The following FILIP1L variants were observed in gnomAD, a reference collection of about 807,000 sequenced individuals.
FILIP1L encodes the protein filamin A interacting protein 1 like.
A neutral mutation model predicts 96.6 loss-of-function variants in FILIP1L; 55 were observed. The ratio of observed to expected loss-of-function variants is 0.57; its 90% CI spans 0.46 to 0.71. The LOEUF is 0.71. Ranked by LOEUF, FILIP1L falls within the 30% of genes least tolerant of loss-of-function variation. The pLI is 0.00. For synonymous variants in FILIP1L, 467 were observed against 473.9 expected (o/e 0.99, Z 0.19); for missense variants, 1,304 against 1,321.2 (o/e 0.99, Z 0.20).
chr3:100,052,622 C>T (rs2065393300), intron 1 of FILIP1L, among the ~76,000 whole-genome samples: 1 of 152,174 alleles, frequency 6.6e-6, no homozygotes, highest in African/African-American at 2.4e-5. Context: ...GAAGATAGCT[C>T]AGGAGCAAGT....
At chr3:100,006,951 G>A (rs879510520) in intron 1 of FILIP1L, among the ~76,000 whole-genome samples, 28 of 152,082 alleles carry the variant, frequency 1.8e-4, no homozygotes, top group African/African-American at 6.8e-4. Context: ...GTTTTTGTTT[G>A]GTTTTGTTCT....
intron 4 of FILIP1L, among the ~76,000 whole-genome samples, chr3:99,883,664 A>G (rs1705802562): frequency 6.6e-6 from 1 of 152,224 alleles, no homozygotes. Flanking sequence ...TGCTTCTGTG[A>G]TAATCTAGGA....
chr3:99,908,962 C>CATTT (rs1267933923), intron 4 of FILIP1L, among the ~76,000 whole-genome samples: 5 of 152,066 alleles, frequency 3.3e-5, no homozygotes, highest in Non-Finnish European at 7.3e-5. Flanking sequence ...ACTCTGACCC[C>CATTT]ATTTACTCTT....
intron 4 of FILIP1L, among the ~76,000 whole-genome samples, chr3:99,912,013 GTT>G (rs1706805014): frequency 6.6e-6 from 1 of 151,688 alleles, no homozygotes; most frequent in Non-Finnish European, 1.5e-5. Context: ...AACATTAAAA[GTT>G]TTAATTTTTA....
At position 100,102,465 on chromosome 3, in the gene FILIP1L, G is replaced by A. The variant is rs76685663; in HGVS notation, c.-11+11588C>T. Among the ~76,000 whole-genome samples the A allele has an allele frequency of 4.6e-3, 700 of 152,222 alleles. 7 individuals carry two copies. Among genetic ancestry groups the A allele is most frequent in the African/African-American group, 0.016 (682 of 41,540 alleles). Reference sequence around the variant, plus strand: ...CAGAAGAAATTGGATCCTCATCAGCGTGATTTCTGCTTCTCCACAGGTGTG... The same window carrying A: ...CAGAAGAAATTGGATCCTCATCAGCATGATTTCTGCTTCTCCACAGGTGTG... On this transcript the variant is annotated intron_variant, in intron 1 of 5. Coordinates refer to ENST00000477258, the MANE Select transcript of FILIP1L (RefSeq NM_001387850.1).
At chr3:100,081,548 A>T (rs2065932172) in intron 1 of FILIP1L, among the ~76,000 whole-genome samples, 1 of 152,180 alleles carries the variant, frequency 6.6e-6, no homozygotes, top group Non-Finnish European at 1.5e-5. Flanking sequence ...ACTCATGAAG[A>T]TTCTTTGGTT....
At chr3:100,018,925 C>T (rs1168076660) in intron 1 of FILIP1L, among the ~76,000 whole-genome samples, 3 of 151,834 alleles carry the variant, frequency 2.0e-5, no homozygotes, top group South Asian at 2.1e-4. Flanking sequence ...AGATAAATAG[C>T]CAAGAGGTAT....
chr3:100,079,258 T>C (rs1305646617), intron 1 of FILIP1L, among the ~76,000 whole-genome samples: 23 of 152,340 alleles, frequency 1.5e-4, no homozygotes, highest in Non-Finnish European at 1.5e-5. Context: ...AGAGTTACTA[T>C]CGATGCTTTC....
chr3:99,900,362 C>T (rs1298427095), intron 4 of FILIP1L, among the ~76,000 whole-genome samples: 1 of 152,038 alleles, frequency 6.6e-6, no homozygotes, highest in Non-Finnish European at 1.5e-5. Flanking sequence ...ATTTTTAACC[C>T]TTTATATTGA....
At chr3:99,921,145 G>A (rs1244709351) in intron 4 of FILIP1L, among the ~76,000 whole-genome samples, 1 of 152,180 alleles carries the variant, frequency 6.6e-6, no homozygotes, top group Non-Finnish European at 1.5e-5. Context: ...TTTGTGGGAG[G>A]CAGCTGTGTC....
In FILIP1L at chr3:99,983,190, C is replaced by G. The variant is rs1312031740; in HGVS notation, c.-10-52160G>C. Among the ~76,000 whole-genome samples, 3 of 151,350 alleles carry G rather than the reference C, an allele frequency of 2.0e-5. No homozygotes were observed. In the Admixed American group the frequency reaches 2.0e-4, roughly 10 times the overall value. On this transcript the variant is annotated intron_variant, in intron 1 of 5. Transcript: ENST00000477258. ...TCTCAGGGATATTGTTATCTAACTTCTTTGAATTACTGAAGTAGCCAAGAA... is the reference window on the plus strand; with the variant it reads ...TCTCAGGGATATTGTTATCTAACTTGTTTGAATTACTGAAGTAGCCAAGAA...
intron 1 of FILIP1L, among the ~76,000 whole-genome samples, chr3:100,090,736 A>C (rs2066089665): frequency 6.6e-6 from 1 of 152,136 alleles, no homozygotes; most frequent in Admixed American, 6.5e-5. Context: ...AAACCTCTCC[A>C]TCAGAACTGC....
chr3:100,032,514 C>G (rs2065037581), intron 1 of FILIP1L, among the ~76,000 whole-genome samples: 1 of 152,154 alleles, frequency 6.6e-6, no homozygotes, highest in South Asian at 2.1e-4. Flanking sequence ...AGAGAGGAGA[C>G]AGCTAGCCGA....
At chr3:99,883,236 C>G (rs752049328) in intron 4 of FILIP1L, among the ~76,000 whole-genome samples, 1 of 152,204 alleles carries the variant, frequency 6.6e-6, no homozygotes, top group Non-Finnish European at 1.5e-5. Context: ...CCCAGCAAGT[C>G]CATTCCATTC....
At chr3:99,853,812 TGTCTA>T (rs1943825299) in intron 4 of FILIP1L, among the ~76,000 whole-genome samples, 1 of 152,242 alleles carries the variant, frequency 6.6e-6, no homozygotes, top group Non-Finnish European at 1.5e-5. Context: ...GACAGTCAGC[TGTCTA>T]GTCTAGTAAA....
chr3:99,956,549 G>A (rs1170719566), intron 1 of FILIP1L, among the ~76,000 whole-genome samples: 1 of 152,106 alleles, frequency 6.6e-6, no homozygotes, highest in African/African-American at 2.4e-5. Flanking sequence ...GTTTCACCAC[G>A]TTGGCCAGGC....
Position 99,850,996 on chromosome 3 carries a change from G to GT in FILIP1L, c.679dup (p.Thr227AsnfsTer19), listed in dbSNP as rs776050654. On this transcript the variant is annotated frameshift_variant, in exon 5 of 6. Coordinates refer to ENST00000477258, the MANE Select transcript of FILIP1L (RefSeq NM_001387850.1). LOFTEE classifies it high-confidence loss of function. ...CAGCTTGGTCAGCTCCTCTTTCAGG[G>GT]TGGTGACCCTTTTCTCCTTTTCTTG... is the stretch of plus-strand genomic sequence containing the variant. 1.5e-5 allele frequency: 25 copies of GT among 1,613,696 alleles called. No homozygotes were observed. Among genetic ancestry groups the GT allele is most frequent in the Non-Finnish European group, 2.0e-5 (24 of 1,179,994 alleles).
intron 4 of FILIP1L, among the ~76,000 whole-genome samples, chr3:99,893,722 A>G (rs1353821611): frequency 1.3e-5 from 2 of 152,224 alleles, no homozygotes; most frequent in Non-Finnish European, 2.9e-5. Context: ...TATACTCTAC[A>G]GATAATTTAT....
In FILIP1L at chr3:99,849,262, A is replaced by G. The variant is rs1376302861; in HGVS notation, c.2414T>C (p.Val805Ala). 5.6e-6 allele frequency: 9 copies of G among 1,614,110 alleles called. No homozygotes were observed. The highest frequency in any genetic ancestry group is 1.6e-4 in the Middle Eastern group (1 of 6,062). ...CTTGTAATCAGGTGGTTCATTGTCT[A>G]CTGCTTCTGTCTGAACTTCTTTAGA... ...VFSKEVQTEAVDNEPPDYKSL... is the reference protein window; with the variant it reads ...VFSKEVQTEAADNEPPDYKSL... Residue 805 changes from valine to alanine, a missense_variant, in exon 5 of 6, where the codon GTA (valine) becomes GCA (alanine). By Grantham distance (64) the Val-to-Ala change is moderately conservative. Coordinates refer to ENST00000477258, the MANE Select transcript of FILIP1L (RefSeq NM_001387850.1).
Sources: gnomAD v4.1 joint callset for allele counts (sites outside exome capture counted in the v4.1 genomes callset) on GRCh38, gnomAD v4.1.1 for gene constraint, MANE v1.5 for transcripts, NCBI Gene and HGNC (gene_info 2026-07-23, HGNC 2026-07-21) for gene names.